The following DPP8 variants were observed in gnomAD, a reference collection of about 807,000 sequenced individuals.
The protein encoded by DPP8 is dipeptidyl peptidase 8, also known as DPP VIII.
DPP8 carries 31 observed loss-of-function variants against 107.5 expected under a neutral mutation model. The ratio of observed to expected loss-of-function variants is 0.29; its 90% CI spans 0.22 to 0.39. The LOEUF (loss-of-function observed/expected upper bound fraction) is 0.39. Among genes scored for constraint, DPP8 ranks in the 10% least tolerant of loss-of-function variants. The probability of loss-of-function intolerance (pLI) is 1.00; values close to 1 mark genes in which losing one functional copy is unlikely to be tolerated. For synonymous variants in DPP8, 381 were observed against 356.6 expected, an observed-to-expected ratio of 1.07 and a Z score of -0.77; for missense variants, 842 against 1,076.1, an observed-to-expected ratio of 0.78 and a Z score of 3.04.
chr15:65,514,894 CTT>C (rs2071253934), intron 1 of DPP8, among the ~76,000 whole-genome samples: 1 of 152,208 alleles, frequency 6.6e-6, no homozygotes, highest in African/African-American at 2.4e-5. Context: ...CTCAACTTCT[CTT>C]GTGTTACGTT....
At chr15:65,485,544 CAAAA>C (rs56940292) in intron 7 of DPP8, among the ~76,000 whole-genome samples, 1 of 61,278 alleles carries the variant, frequency 1.6e-5, no homozygotes, top group Non-Finnish European at 3.4e-5. Context: ...GACTCCATCT[CAAAA>C]AAAAAAAAAA....
intron 14 of DPP8, among the ~76,000 whole-genome samples, chr15:65,464,142 T>C (rs1048649707): frequency 6.6e-6 from 1 of 151,980 alleles, no homozygotes; most frequent in Non-Finnish European, 1.5e-5. Context: ...GGCAGGTGGA[T>C]CACAAGGTCA....
At chr15:65,448,064 A>G (rs1387738667) in intron 19 of DPP8, among the ~76,000 whole-genome samples, 1 of 152,158 alleles carries the variant, frequency 6.6e-6, no homozygotes, top group African/African-American at 2.4e-5. Flanking sequence ...TGAAGTTTAT[A>G]TATATCACTT....
chr15:65,493,730 T>C lies in DPP8; in HGVS notation c.716-3431A>G, dbSNP rs888499059. On this transcript the variant is annotated intron_variant, in intron 5 of 19. Coordinates refer to ENST00000300141, the MANE Select transcript of DPP8 (RefSeq NM_130434.5). Reference sequence around the variant, plus strand: ...CATTATTATTTATTAAATGAATAAATAGTATCATCTCATTGTCTCAGTAAG... The same window carrying C: ...CATTATTATTTATTAAATGAATAAACAGTATCATCTCATTGTCTCAGTAAG... 4.6e-5 allele frequency among the ~76,000 whole-genome samples: 7 copies of C among 152,302 alleles called. No homozygotes were observed. In the South Asian group the frequency reaches 8.3e-4, roughly 18 times the overall value.
Position 65,443,124 on chromosome 15 carries a change from G to A in DPP8, c.*3760C>T, listed in dbSNP as rs2063355601. On this transcript the variant is annotated 3_prime_UTR_variant, in exon 20 of 20. Coordinates refer to ENST00000300141, the MANE Select transcript of DPP8 (RefSeq NM_130434.5). The stretch of plus-strand genomic sequence containing the variant: ...CATGCTTAGCATTTACTTTGGAATG[G>A]AAAAATTAACCATTTTTATGTGGTT... The A allele has an allele frequency of 6.6e-6, 1 of 152,138 alleles. No homozygotes were observed. Among genetic ancestry groups the A allele is most frequent in the Non-Finnish European group, 1.5e-5 (1 of 68,040 alleles). The allele number at this position is 152,138 out of a possible 1,614,324, so 9.4% of individuals were successfully genotyped here. A position where few individuals can be genotyped will look rare whatever the true frequency, so the allele number is the denominator to read the frequency against.
chr15:65,512,290 C>G lies in DPP8; in HGVS notation c.259+5G>C. 6.2e-7 allele frequency: 1 copy of G among 1,602,818 alleles called. No homozygotes were observed. The highest frequency in any genetic ancestry group is 8.5e-7 in the Non-Finnish European group (1 of 1,174,400). ...TTCTCTCAGAAACTACAACTTCGTA[C>G]TCACCAAGGTAATAGATTCTGTCTG... On this transcript the variant is annotated splice_donor_5th_base_variant and intron_variant, in intron 2 of 19. Transcript: ENST00000300141.
At chr15:65,470,213 A>G (rs1237038666) in intron 12 of DPP8, among the ~76,000 whole-genome samples, 1 of 150,950 alleles carries the variant, frequency 6.6e-6, no homozygotes, top group Non-Finnish European at 1.5e-5. Context: ...AAAAAAAAAA[A>G]AAAAAAAGAA....
intron 2 of DPP8, among the ~76,000 whole-genome samples, chr15:65,508,579 G>A (rs2070362687): frequency 2.0e-5 from 3 of 152,262 alleles, no homozygotes; most frequent in South Asian, 4.1e-4. Context: ...CTGGCCGGCC[G>A]AGGTGGCTCA....
intron 12 of DPP8, among the ~76,000 whole-genome samples, chr15:65,470,670 G>A (rs938961377): frequency 6.6e-6 from 1 of 150,566 alleles, no homozygotes; most frequent in South Asian, 2.1e-4. Context: ...TGAAATCCTA[G>A]CACTCTGGGA....
At chr15:65,471,961 C>G (rs1294263064) in intron 12 of DPP8, among the ~76,000 whole-genome samples, 2 of 152,176 alleles carry the variant, frequency 1.3e-5, no homozygotes, top group Admixed American at 6.6e-5. Flanking sequence ...TTCACTAAAT[C>G]CTGGCAGCAT....
intron 5 of DPP8, among the ~76,000 whole-genome samples, chr15:65,496,543 C>G (rs1196857399): frequency 6.6e-6 from 1 of 152,186 alleles, no homozygotes; most frequent in African/African-American, 2.4e-5. Flanking sequence ...TTAGTATTAT[C>G]ATAGCCACTT....
intron 15 of DPP8, among the ~76,000 whole-genome samples, chr15:65,460,744 C>T (rs1375435170): frequency 6.6e-6 from 1 of 152,164 alleles, no homozygotes; most frequent in African/African-American, 2.4e-5. Flanking sequence ...TTGATGGACA[C>T]GTGCACTGCC....
At chr15:65,490,445 T>A in intron 5 of DPP8, 146 bp from the exon 6 acceptor site, 1 of 656,540 alleles carries the variant, frequency 1.5e-6, no homozygotes. Context: ...CTGGGGTCCA[T>A]AATGTCTGAC....
chr15:65,496,954 G>A (rs547805171), intron 5 of DPP8, among the ~76,000 whole-genome samples: 2 of 151,978 alleles, frequency 1.3e-5, no homozygotes, highest in East Asian at 3.9e-4. Flanking sequence ...CAGTGGCGCA[G>A]TCTCAGCTAA....
intron 2 of DPP8, 123 bp from the exon 3 acceptor site, chr15:65,507,478 G>A (rs572989292): frequency 1.8e-6 from 1 of 557,738 alleles, no homozygotes; most frequent in South Asian, 2.4e-5. Flanking sequence ...GATATATAAT[G>A]AATGTTAACA....
At chr15:65,506,466 C>T (rs1324668618) in intron 3 of DPP8, among the ~76,000 whole-genome samples, 1 of 151,010 alleles carries the variant, frequency 6.6e-6, no homozygotes, top group Non-Finnish European at 1.5e-5. Flanking sequence ...AAGATAAAAT[C>T]GGCCAGGTGA....
chr15:65,449,688 G>T (rs1408412955), intron 19 of DPP8, among the ~76,000 whole-genome samples: 1 of 152,134 alleles, frequency 6.6e-6, no homozygotes, highest in Non-Finnish European at 1.5e-5. Context: ...GGGATTACAG[G>T]CGTGAGCCAC....
chr15:65,512,201 T>G, intron 2 of DPP8, 94 bp downstream of exon 2: 1 of 1,248,160 alleles, frequency 8.0e-7, no homozygotes, highest in Non-Finnish European at 1.1e-6. Flanking sequence ...CACTGATTAA[T>G]TTATTCATCA....
chr15:65,444,645 T>C lies in DPP8; in HGVS notation c.*2239A>G, dbSNP rs537490140. 3 of 152,180 alleles carry C rather than the reference T, an allele frequency of 2.0e-5. No homozygotes were observed. The highest frequency in any genetic ancestry group is 7.2e-5 in the African/African-American group (3 of 41,452). 9.4% of individuals were successfully genotyped at this position (152,180 alleles called of 1,614,324 possible). ...GCATTTAAGTGACTGGGAGTGATAATAGAAGCATTCTTTGTGATAGGAGGA... is the reference window on the plus strand; with the variant it reads ...GCATTTAAGTGACTGGGAGTGATAACAGAAGCATTCTTTGTGATAGGAGGA... On this transcript the variant is annotated 3_prime_UTR_variant, in exon 20 of 20. Transcript: ENST00000300141.
Sources: gnomAD v4.1 joint callset for allele counts (sites outside exome capture counted in the v4.1 genomes callset) on GRCh38, gnomAD v4.1.1 for gene constraint, MANE v1.5 for transcripts, NCBI Gene and HGNC (gene_info 2026-07-23, HGNC 2026-07-21) for gene names.